The following LSP1 variants were observed in gnomAD, a reference collection of about 807,000 sequenced individuals.
The protein encoded by LSP1 is lymphocyte specific protein 1, also known as lymphocyte-specific protein 1.
Under a neutral mutation model 49.3 loss-of-function variants are expected in LSP1, and 32 were observed. That is an observed-to-expected ratio of 0.65 (90% confidence interval 0.49 to 0.87). The LOEUF (loss-of-function observed/expected upper bound fraction) is 0.87. LSP1 is among the 40% of genes least tolerant of loss of function. LSP1 has a pLI of 0.00. For synonymous variants in LSP1, 179 were observed against 178.8 expected, an observed-to-expected ratio of 1.00 and a Z score of -0.01; for missense variants, 428 against 442.6, an observed-to-expected ratio of 0.97 and a Z score of 0.30.
intron 1 of LSP1, chr11:1,876,794 G>A (rs896370539): frequency 2.2e-5 from 6 of 269,828 alleles, no homozygotes; most frequent in Non-Finnish European, 3.4e-5. Flanking sequence ...GGATGAGGCC[G>A]GCAGGAACAG....
Position 1,869,005 on chromosome 11 carries a change from A to G in LSP1, c.54-11082A>G, listed in dbSNP as rs551140861. 16 of 986,496 alleles carry G rather than the reference A, an allele frequency of 1.6e-5. No homozygotes were observed. The East Asian group carries it at 1.0e-3, about 63-fold the overall frequency. The allele number at this position is 986,496 out of a possible 1,614,324, so 61.1% of individuals were successfully genotyped here. A position where few individuals can be genotyped will look rare whatever the true frequency, so the allele number is the denominator to read the frequency against. ...GGCAGAGGTCGGTGGACTGGGGTTA[A>G]CCACAGAGGTCTCTGGAGGGCAGAC... On this transcript the variant is annotated intron_variant, in intron 1 of 10. Transcript: ENST00000311604.
At chr11:1,870,173 C>T in intron 1 of LSP1, 1 of 850,492 alleles carries the variant, frequency 1.2e-6, no homozygotes, top group Non-Finnish European at 1.7e-6. Flanking sequence ...AAGGCCGGTC[C>T]ACTTGACCTC....
chr11:1,887,572 T>G lies in LSP1; in HGVS notation c.*9T>G. 1 of 1,612,740 alleles carries G rather than the reference T, an allele frequency of 6.2e-7. No homozygotes were observed. The highest frequency in any genetic ancestry group is 8.5e-7 in the Non-Finnish European group (1 of 1,179,116). ...GGGGCCCGGCTCCCTAGGCGTCCCA[T>G]CTCGGTGAGTCCCTGGCAACTCACA... On this transcript the variant is annotated 3_prime_UTR_variant, in exon 10 of 11. Transcript: ENST00000311604.
intron 1 of LSP1, 119 bp downstream of exon 1, chr11:1,853,316 A>G: frequency 9.3e-7 from 1 of 1,072,716 alleles, no homozygotes; most frequent in South Asian, 1.6e-5. Flanking sequence ...CCCCAATGGG[A>G]GAACTTGGAT....
chr11:1,864,238 A>C (rs1404308350), intron 1 of LSP1: 1 of 987,504 alleles, frequency 1.0e-6, no homozygotes, highest in East Asian at 1.1e-4. Flanking sequence ...GATGATGGTG[A>C]GGGAGGTGGC....
At chr11:1,883,856 G>T (rs1848648086) in intron 4 of LSP1, 76 bp from the exon 5 acceptor site, 2 of 1,352,426 alleles carry the variant, frequency 1.5e-6, no homozygotes, top group Non-Finnish European at 2.0e-6. Flanking sequence ...AACAGCATTT[G>T]TTCCCACAGG....
chr11:1,883,194 T>A (rs1284252488), intron 3 of LSP1, among the ~76,000 whole-genome samples: 1 of 152,102 alleles, frequency 6.6e-6, no homozygotes, highest in Admixed American at 6.5e-5. Context: ...ACTGGGCAGT[T>A]CCCCAGGGGC....
chr11:1,886,571 G>C (rs1467906088), intron 7 of LSP1, among the ~76,000 whole-genome samples, 161 bp from the exon 8 acceptor site: 1 of 152,258 alleles, frequency 6.6e-6, no homozygotes, highest in East Asian at 1.9e-4. Flanking sequence ...ATCGAATGGA[G>C]GAAGGCTCAT....
At chr11:1,870,930 C>T (rs942256671) in intron 1 of LSP1, 35 of 985,732 alleles carry the variant, frequency 3.6e-5, no homozygotes, top group South Asian at 1.9e-4. Flanking sequence ...TCCCGAGGGC[C>T]GTCGAGCAAA....
intron 1 of LSP1, among the ~76,000 whole-genome samples, chr11:1,878,933 G>C (rs1359879167): frequency 4.6e-5 from 7 of 152,120 alleles, no homozygotes; most frequent in Admixed American, 3.9e-4. Flanking sequence ...TGATGCCCAG[G>C]TCCAGGCCAG....
chr11:1,886,739 G>A lies in LSP1; in HGVS notation c.725G>A (p.Gly242Asp), dbSNP rs770047466. The A allele has an allele frequency of 6.2e-7, 1 of 1,610,086 alleles. No homozygotes were observed. Among genetic ancestry groups the A allele is most frequent in the Non-Finnish European group, 8.5e-7 (1 of 1,178,448 alleles). ...EQYTQAIETA[G>D]RTPKLARQAS... ...GCTTTTCCTCCTCTGCAGACCGCTGGCCGGACCCCCAAGCTAGCCCGCCAG... is the reference window on the plus strand; with the variant it reads ...GCTTTTCCTCCTCTGCAGACCGCTGACCGGACCCCCAAGCTAGCCCGCCAG... The change falls in exon 8 of 11, where the codon GGC becomes GAC. Residue 242 changes from glycine (G) to aspartate (D), a missense_variant. Gly to Asp is a moderately conservative substitution (Grantham distance 94). Transcript: ENST00000311604.
intron 1 of LSP1, chr11:1,869,724 G>A (rs1847915052): frequency 4.2e-6 from 2 of 470,812 alleles, no homozygotes; most frequent in Admixed American, 2.3e-5. Flanking sequence ...AACGCAGTGA[G>A]GCCAGGCGAG....
chr11:1,888,162 GTCC>G (rs913649328), intron 10 of LSP1, among the ~76,000 whole-genome samples: 22 of 152,154 alleles, frequency 1.4e-4, no homozygotes, highest in Admixed American at 1.4e-3. Flanking sequence ...TGGGGCAGCT[GTCC>G]TCCTACCATC....
chr11:1,876,385 C>T (rs1848310865), intron 1 of LSP1: 4 of 924,478 alleles, frequency 4.3e-6, no homozygotes, highest in Non-Finnish European at 5.2e-6. Context: ...CTCCTGCCAG[C>T]TCCCTGTGGT....
At chr11:1,863,669 C>CGA (rs1565072534) in intron 1 of LSP1, 1 of 152,280 alleles carries the variant, frequency 6.6e-6, no homozygotes, top group Non-Finnish European at 1.5e-5. Context: ...CCACTAGCCC[C>CGA]GAGTGTTCTC....
chr11:1,873,009 G>A (rs1023942643), intron 1 of LSP1, among the ~76,000 whole-genome samples: 4 of 151,962 alleles, frequency 2.6e-5, no homozygotes, highest in African/African-American at 7.3e-5. Context: ...GTTCGGATTG[G>A]GTGGGTAAGG....
At chr11:1,882,906 C>A (rs755325807) in intron 3 of LSP1, among the ~76,000 whole-genome samples, 1 of 152,246 alleles carries the variant, frequency 6.6e-6, no homozygotes, top group Non-Finnish European at 1.5e-5. Context: ...TCCCCTCCCC[C>A]GCAGCCGGCA....
intron 1 of LSP1, chr11:1,871,073 T>A: frequency 1.0e-6 from 1 of 985,548 alleles, no homozygotes; most frequent in East Asian, 1.1e-4. Context: ...CGGAGGACGC[T>A]GATCGCGGAG....
Position 1,881,553 on chromosome 11 carries a change from G to T in LSP1, c.313G>T (p.Glu105Ter). The change falls in exon 3 of 11, where the codon GAG (glutamate) becomes TAG (stop). Residue 105 changes from glutamate to a stop codon, truncating the protein, a stop_gained. Coordinates refer to ENST00000311604, the MANE Select transcript of LSP1 (RefSeq NM_002339.3). LOFTEE classifies it high-confidence loss of function. ...GGCGCAGGGCGCCTTGGACAGCGGA[G>T]AGCCCCCCCAGTGCAGGAGTCCTGA... Reference protein sequence around the residue: ...EGAQGALDSGEPPQCRSPEGE... With the variant: ...EGAQGALDSG 6.5e-7 allele frequency: 1 copy of T among 1,542,966 alleles called. No homozygotes were observed. Among genetic ancestry groups the T allele is most frequent in the Non-Finnish European group, 8.7e-7 (1 of 1,143,020 alleles).
Sources: gnomAD v4.1 joint callset for allele counts (sites outside exome capture counted in the v4.1 genomes callset) on GRCh38, gnomAD v4.1.1 for gene constraint, MANE v1.5 for transcripts, NCBI Gene and HGNC (gene_info 2026-07-23, HGNC 2026-07-21) for gene names.